The following ABTB3 variants were observed in gnomAD, a reference collection of about 807,000 sequenced individuals.
The protein encoded by ABTB3 is ankyrin repeat- and BTB/POZ domain-containing protein 3.
the ABTB3 span, among the ~76,000 whole-genome samples, chr12:107,635,904 A>G: frequency 8.4e-6 from 1 of 119,178 alleles, no homozygotes. Context: ...ACACACTCCC[A>G]TAAAAACATG....
the ABTB3 span, among the ~76,000 whole-genome samples, chr12:107,328,865 G>T: frequency 6.6e-6 from 1 of 152,206 alleles, no homozygotes; most frequent in Non-Finnish European, 1.5e-5. Flanking sequence ...GGGGTAGAGG[G>T]CGGGGCTTGC....
chr12:107,383,555 A>G, the ABTB3 span, among the ~76,000 whole-genome samples: 1 of 152,206 alleles, frequency 6.6e-6, no homozygotes, highest in African/African-American at 2.4e-5. Flanking sequence ...GCCCTTAAAT[A>G]GAGTCCAGCA....
the ABTB3 span, among the ~76,000 whole-genome samples, chr12:107,415,343 G>A: frequency 6.6e-6 from 1 of 151,976 alleles, no homozygotes; most frequent in African/African-American, 2.4e-5. Context: ...TTTGTTCATC[G>A]TCTGCCTCCT....
the ABTB3 span, among the ~76,000 whole-genome samples, chr12:107,557,389 G>C: frequency 6.6e-6 from 1 of 152,050 alleles, no homozygotes; most frequent in Non-Finnish European, 1.5e-5. Flanking sequence ...TAATCTTATG[G>C]GACCACCATC....
the ABTB3 span, among the ~76,000 whole-genome samples, chr12:107,597,385 C>G: frequency 6.6e-6 from 1 of 152,028 alleles, no homozygotes. Context: ...CTGGAAAGTC[C>G]AAGAGTGTAG....
chr12:107,428,414 C>T, the ABTB3 span, among the ~76,000 whole-genome samples: 4 of 152,176 alleles, frequency 2.6e-5, no homozygotes, highest in South Asian at 8.3e-4. Context: ...TGTTCAGCCT[C>T]ACCTGGGAAG....
chr12:107,586,814 A>G, the ABTB3 span, among the ~76,000 whole-genome samples: 2 of 149,456 alleles, frequency 1.3e-5, no homozygotes, highest in African/African-American at 4.9e-5. Flanking sequence ...AGGTGGGCAG[A>G]GAGATCCACA....
At chr12:107,341,139 T>C in the ABTB3 span, among the ~76,000 whole-genome samples, 3 of 152,216 alleles carry the variant, frequency 2.0e-5, no homozygotes, top group African/African-American at 4.8e-5. Context: ...CCCTGAGTGC[T>C]GTCTCCCGCA....
chr12:107,602,664 A>T, the ABTB3 span, among the ~76,000 whole-genome samples: 897 of 152,342 alleles, frequency 5.9e-3, 19 homozygotes, highest in Non-Finnish European at 4.1e-3. Flanking sequence ...GAGATACCAG[A>T]GTTTATGCTC....
At chr12:107,403,727 C>G in the ABTB3 span, among the ~76,000 whole-genome samples, 1 of 152,092 alleles carries the variant, frequency 6.6e-6, no homozygotes, top group Non-Finnish European at 1.5e-5. Context: ...AGCTGAAAGT[C>G]GCAGATCCCA....
the ABTB3 span, among the ~76,000 whole-genome samples, chr12:107,420,384 A>G: frequency 4.6e-5 from 7 of 152,210 alleles, no homozygotes; most frequent in Non-Finnish European, 8.8e-5. Context: ...AGGCCTCACA[A>G]TCATGGCGTA....
At chr12:107,431,574 A>C in the ABTB3 span, among the ~76,000 whole-genome samples, 1 of 152,018 alleles carries the variant, frequency 6.6e-6, no homozygotes, top group Admixed American at 6.6e-5. Context: ...GCACCATTGC[A>C]CTCCAGCCTG....
chr12:107,395,902 C>T, the ABTB3 span, among the ~76,000 whole-genome samples: 4 of 152,256 alleles, frequency 2.6e-5, no homozygotes, highest in Non-Finnish European at 4.4e-5. Context: ...ACCAGAGATA[C>T]TCATAGTATC....
At chr12:107,487,466 T>G in the ABTB3 span, among the ~76,000 whole-genome samples, 15 of 152,148 alleles carry the variant, frequency 9.9e-5, no homozygotes, top group African/African-American at 3.6e-4. Flanking sequence ...CAAACCTCAG[T>G]GCCAGAGTCT....
the ABTB3 span, among the ~76,000 whole-genome samples, chr12:107,475,905 A>G: frequency 6.6e-6 from 1 of 150,916 alleles, no homozygotes; most frequent in East Asian, 2.0e-4. Flanking sequence ...TCAGGATGGG[A>G]CCCTCCTGGC....
At chr12:107,333,097 C>T in the ABTB3 span, among the ~76,000 whole-genome samples, 1 of 152,134 alleles carries the variant, frequency 6.6e-6, no homozygotes, top group Non-Finnish European at 1.5e-5. Flanking sequence ...TCTCTCCCAC[C>T]CATCCCTGCT....
chr12:107,428,544 G>A, the ABTB3 span, among the ~76,000 whole-genome samples: 1 of 152,138 alleles, frequency 6.6e-6, no homozygotes, highest in Non-Finnish European at 1.5e-5. Flanking sequence ...AGTTCTGAGG[G>A]GTGCTCCACA....
the ABTB3 span, among the ~76,000 whole-genome samples, chr12:107,579,770 A>G: frequency 6.6e-6 from 1 of 152,180 alleles, no homozygotes; most frequent in Non-Finnish European, 1.5e-5. Context: ...ACATATTTGC[A>G]TGACCTAGCC....
the ABTB3 span, among the ~76,000 whole-genome samples, chr12:107,516,591 C>T: frequency 6.6e-6 from 1 of 152,146 alleles, no homozygotes. Flanking sequence ...GTTCCCTACC[C>T]CGTTGTCTCA....
Sources: allele counts gnomAD v4.1 joint callset (sites outside exome capture counted in the v4.1 genomes callset), GRCh38; gene constraint gnomAD v4.1.1; transcripts MANE v1.5; gene names NCBI Gene and HGNC (gene_info 2026-07-23, HGNC 2026-07-21).